SYNJ2: variants seen among roughly 807,000 people sequenced by gnomAD.
SYNJ2 encodes the protein synaptojanin 2.
In SYNJ2, 116 loss-of-function variants were observed where a neutral mutation model predicts 141.3. The observed-to-expected ratio is 0.82, with a 90% confidence interval of 0.71 to 0.96. The LOEUF is 0.96. SYNJ2 is among the 40% of genes least tolerant of loss of function. The pLI is 0.00. For synonymous variants in SYNJ2, 745 were observed against 777.7 expected (o/e 0.96, Z 0.70); for missense variants, 1,873 against 1,934.8 (o/e 0.97, Z 0.60).
At chr6:158,055,781 T>C (rs1203666638) in intron 6 of SYNJ2, among the ~76,000 whole-genome samples, 3 of 152,228 alleles carry the variant, frequency 2.0e-5, no homozygotes, top group Non-Finnish European at 4.4e-5. Flanking sequence ...TTTCATACTC[T>C]TGTTAAACAT....
At chr6:158,078,023 C>T (rs946240881) in intron 17 of SYNJ2, 141 bp from the exon 18 acceptor site, 2 of 634,134 alleles carry the variant, frequency 3.2e-6, no homozygotes, top group African/African-American at 3.7e-5. Flanking sequence ...AGCCTGGCTT[C>T]AAGGTGGAGG....
chr6:158,010,284 A>T (rs1778216451), intron 1 of SYNJ2, among the ~76,000 whole-genome samples: 1 of 152,244 alleles, frequency 6.6e-6, no homozygotes, highest in African/African-American at 2.4e-5. Context: ...TTTGGAAAGC[A>T]AAAAGGATTT....
rs767406586 is a variant in SYNJ2, at chr6:158,028,768, T to A, written c.227T>A (p.Leu76Gln). The part of the protein sequence containing the change: ...ELRLKSGGTS[L>Q]SFLVLVTGCT... Reference sequence around the variant, plus strand: ...ATTTCCTTTCCAGGTGGCACGTCTCTGAGCTTCCTGGTGTTGGTGACAGGC... The same window carrying A: ...ATTTCCTTTCCAGGTGGCACGTCTCAGAGCTTCCTGGTGTTGGTGACAGGC... Residue 76 changes from leucine (L) to glutamine (Q), a missense_variant, in exon 3 of 27, where the codon CTG becomes CAG. Coordinates refer to ENST00000355585, the MANE Select transcript of SYNJ2 (RefSeq NM_003898.4). 1.8e-5 allele frequency: 29 copies of A among 1,613,916 alleles called. 1 individual carries two copies. In the South Asian group the frequency reaches 3.1e-4, roughly 17 times the overall value.
chr6:158,083,641 C>G, intron 21 of SYNJ2, 44 bp downstream of exon 21: 1 of 1,610,830 alleles, frequency 6.2e-7, no homozygotes, highest in Non-Finnish European at 8.5e-7. Context: ...GTTCTTCTAG[C>G]AACAGGCCTG....
At chr6:158,037,558 C>T (rs113263016) in intron 4 of SYNJ2, among the ~76,000 whole-genome samples, 3 of 151,908 alleles carry the variant, frequency 2.0e-5, no homozygotes, top group East Asian at 3.9e-4. Flanking sequence ...CCCGCCACCA[C>T]GCCCGGCTAA....
At chr6:158,012,181 C>T (rs1367064021) in intron 1 of SYNJ2, among the ~76,000 whole-genome samples, 1 of 152,170 alleles carries the variant, frequency 6.6e-6, no homozygotes, top group East Asian at 1.9e-4. Context: ...GGAGAGGATG[C>T]CTCTTCCTTC....
chr6:158,032,939 G>A (rs761460836), intron 3 of SYNJ2, among the ~76,000 whole-genome samples: 11 of 152,246 alleles, frequency 7.2e-5, no homozygotes, highest in South Asian at 4.2e-4. Context: ...TAGCGCTCTC[G>A]TCATAATCAT....
intron 1 of SYNJ2, among the ~76,000 whole-genome samples, chr6:158,010,959 C>T (rs1583313271): frequency 7.3e-6 from 1 of 137,752 alleles, no homozygotes; most frequent in East Asian, 2.2e-4. Flanking sequence ...GACGACAGGA[C>T]ATGTGGGGAG....
chr6:158,027,632 G>A lies in SYNJ2; in HGVS notation c.215-1124G>A, dbSNP rs1173174516. 1 of 152,346 alleles carries A rather than the reference G, an allele frequency of 6.6e-6. No homozygotes were observed. The highest frequency in any genetic ancestry group is 2.4e-5 in the African/African-American group (1 of 41,434). 9.4% of individuals were successfully genotyped at this position (152,346 alleles called of 1,614,324 possible). On this transcript the variant is annotated intron_variant, in intron 2 of 26. Transcript: ENST00000355585. The surrounding 1 kb of genome is among the most constrained non-coding windows in gnomAD (Gnocchi z 4.6). Reference sequence around the variant, plus strand: ...ATTCAGCAAACCGAGTGTGTGTGGTGCTGGGAGATGACGACGAAATGGCCC... The same window carrying A: ...ATTCAGCAAACCGAGTGTGTGTGGTACTGGGAGATGACGACGAAATGGCCC...
At chr6:158,094,267 C>T (rs1783659307) in intron 26 of SYNJ2, among the ~76,000 whole-genome samples, 1 of 151,982 alleles carries the variant, frequency 6.6e-6, no homozygotes, top group African/African-American at 2.4e-5. Context: ...GGGTTACATC[C>T]CAATAAACCC....
At chr6:158,092,060 C>A (rs779772051) in intron 25 of SYNJ2, among the ~76,000 whole-genome samples, 3 of 150,332 alleles carry the variant, frequency 2.0e-5, no homozygotes, top group Non-Finnish European at 4.4e-5. Context: ...GAATGGTACA[C>A]TTAGAAAGGG....
rs139844496 is a variant in SYNJ2 at position 158,092,998 on chromosome 6, C to G, written c.3638C>G (p.Pro1213Arg). ...GCATCCTCTGAACCAGAGCCCACACCGGGGGCAGCCAAACCAGAGACCCCA... is the reference window on the plus strand; with the variant it reads ...GCATCCTCTGAACCAGAGCCCACACGGGGGGCAGCCAAACCAGAGACCCCA... ...LEASSEPEPTPGAAKPETPQA... is the reference protein window; with the variant it reads ...LEASSEPEPTRGAAKPETPQA... Residue 1213 changes from proline (P) to arginine (R), a missense_variant, in exon 26 of 27, where the codon CCG (proline) becomes CGG (arginine). Transcript: ENST00000355585. 4 of 1,613,036 alleles carry G rather than the reference C, an allele frequency of 2.5e-6. No individual in the cohort carries two copies. The highest frequency in any genetic ancestry group is 2.7e-5 in the African/African-American group (2 of 74,784).
chr6:158,041,531 TG>T (rs1779947359), intron 4 of SYNJ2, among the ~76,000 whole-genome samples: 1 of 152,116 alleles, frequency 6.6e-6, no homozygotes, highest in East Asian at 1.9e-4. Flanking sequence ...CTTGCTCCAG[TG>T]TGGGCAGGGA....
intron 5 of SYNJ2, among the ~76,000 whole-genome samples, chr6:158,048,846 A>T (rs991267535): frequency 1.3e-5 from 2 of 152,166 alleles, no homozygotes; most frequent in African/African-American, 4.8e-5. Flanking sequence ...AGCTGGGTGC[A>T]CCGTCGGCTT....
intron 1 of SYNJ2, among the ~76,000 whole-genome samples, chr6:158,009,102 G>T (rs1007687435): frequency 1.3e-5 from 2 of 152,166 alleles, no homozygotes; most frequent in Non-Finnish European, 2.9e-5. Flanking sequence ...CTTCAGGTCC[G>T]CATTCAGATG....
At chr6:157,983,079 C>T (rs1777073059) in intron 1 of SYNJ2, among the ~76,000 whole-genome samples, 1 of 152,208 alleles carries the variant, frequency 6.6e-6, no homozygotes, top group African/African-American at 2.4e-5. Context: ...AGGTGCAGCC[C>T]GGGGTCACTC....
intron 1 of SYNJ2, among the ~76,000 whole-genome samples, chr6:157,996,667 T>C (rs1490430904): frequency 6.6e-6 from 1 of 152,164 alleles, no homozygotes; most frequent in East Asian, 1.9e-4. Context: ...TGGGCCATGG[T>C]GGTGGTTTCT....
rs956505423 is a variant in SYNJ2 at position 158,055,125 on chromosome 6, G to A, written c.857+97G>A. ...GGAGAGGGTGCGACGGGAAAGGGAG[G>A]ACCCTGAACCCTGAATCTAAAGCTG... On this transcript the variant is annotated intron_variant, in intron 6 of 26. Transcript: ENST00000355585. 11 of 1,292,258 alleles carry A rather than the reference G, an allele frequency of 8.5e-6. No homozygotes were observed. In the African/African-American group the frequency reaches 1.3e-4, roughly 16 times the overall value. 80.0% of individuals were successfully genotyped at this position (1,292,258 alleles called of 1,614,324 possible). A position where few individuals can be genotyped will look rare whatever the true frequency, so the allele number is the denominator to read the frequency against.
At chr6:158,016,180 T>C (rs9364746) in intron 1 of SYNJ2, among the ~76,000 whole-genome samples, 100,739 of 152,000 alleles carry the variant, frequency 0.66, 33,770 homozygotes, top group Middle Eastern at 0.77. Context: ...GTGGCGTAAT[T>C]TCGGCTCACT....
Sources: allele counts gnomAD v4.1 joint callset (sites outside exome capture counted in the v4.1 genomes callset), GRCh38; gene constraint gnomAD v4.1.1; non-coding constraint Gnocchi (gnomAD v3.1); transcripts MANE v1.5; gene names NCBI Gene and HGNC (gene_info 2026-07-23, HGNC 2026-07-21).